The following CNTN3 variants were observed in gnomAD, a reference collection of about 807,000 sequenced individuals.
The protein encoded by CNTN3 is contactin-3.
A neutral mutation model predicts 119.1 loss-of-function variants in CNTN3; 60 were observed. That is an observed-to-expected ratio of 0.50 (90% CI 0.41 to 0.62). CNTN3 has a LOEUF of 0.62. CNTN3 is among the 20% of genes least tolerant of loss of function. The probability of loss-of-function intolerance (pLI) is 0.00; values close to 1 mark genes in which losing one functional copy is unlikely to be tolerated. For synonymous variants in CNTN3, 450 were observed against 438.7 expected (o/e 1.03, Z -0.32); for missense variants, 1,101 against 1,242.4 (o/e 0.89, Z 1.71).
chr3:74,345,173 A>C (rs1479480607), intron 11 of CNTN3, among the ~76,000 whole-genome samples: 1 of 152,134 alleles, frequency 6.6e-6, no homozygotes, highest in African/African-American at 2.4e-5. Context: ...CTTGAGTCAC[A>C]CATTTCTTCA....
At position 74,358,587 on chromosome 3, in the gene CNTN3, T is replaced by C. The variant is rs572989323; in HGVS notation, c.1364+3303A>G. On this transcript the variant is annotated intron_variant, in intron 11 of 22. Coordinates refer to ENST00000263665, the MANE Select transcript of CNTN3 (RefSeq NM_020872.3). ...AAAGGGAAGGAAGTGTATTCTTTTT[T>C]TTTTTTTTGATTTATTTATTTATTT... Among the ~76,000 whole-genome samples, 1,104 of 137,106 alleles carry C rather than the reference T, an allele frequency of 8.1e-3. 5 individuals are homozygous for C. Among genetic ancestry groups the C allele is most frequent in the Non-Finnish European group, 0.012 (809 of 65,658 alleles). The allele number at this position is 137,106 out of a possible 152,430, so 89.9% of individuals were successfully genotyped here. A position where few individuals can be genotyped will look rare whatever the true frequency, so the allele number is the denominator to read the frequency against.
chr3:74,413,153 T>C (rs1006336629), intron 5 of CNTN3, among the ~76,000 whole-genome samples: 3 of 152,196 alleles, frequency 2.0e-5, no homozygotes, highest in African/African-American at 7.2e-5. Context: ...TCAGACAGTT[T>C]TATTTTCTCT....
intron 8 of CNTN3, among the ~76,000 whole-genome samples, chr3:74,368,142 G>A (rs1314616427): frequency 6.6e-6 from 1 of 152,074 alleles, no homozygotes; most frequent in Non-Finnish European, 1.5e-5. Flanking sequence ...CCTCCATTTT[G>A]TTTCTGACAG....
intron 12 of CNTN3, 132 bp from the exon 13 acceptor site, chr3:74,335,042 A>G (rs1483565682): frequency 1.9e-6 from 1 of 533,610 alleles, no homozygotes; most frequent in Middle Eastern, 4.8e-4. Context: ...ATACATCTAT[A>G]TAATTAAAAG....
chr3:74,353,573 G>A (rs775070275), intron 11 of CNTN3, among the ~76,000 whole-genome samples: 7 of 152,094 alleles, frequency 4.6e-5, no homozygotes, highest in Non-Finnish European at 1.0e-4. Context: ...CGGCTAACAC[G>A]GTGAAACCCC....
intron 4 of CNTN3, among the ~76,000 whole-genome samples, chr3:74,450,262 C>A (rs1051146551): frequency 6.6e-6 from 1 of 151,838 alleles, no homozygotes; most frequent in Non-Finnish European, 1.5e-5. Flanking sequence ...TTTAATCTTG[C>A]AGTTATAAAA....
intron 1 of CNTN3, among the ~76,000 whole-genome samples, chr3:74,589,221 A>G (rs1231204170): frequency 2.0e-5 from 3 of 152,232 alleles, no homozygotes; most frequent in Non-Finnish European, 4.4e-5. Flanking sequence ...ACAAAGGGCT[A>G]ATATCCAGAA....
intron 1 of CNTN3, among the ~76,000 whole-genome samples, chr3:74,587,983 T>C (rs1704626096): frequency 6.6e-6 from 1 of 152,134 alleles, no homozygotes; most frequent in South Asian, 2.1e-4. Context: ...ATACCTAATT[T>C]ATTGAGAGTT....
intron 4 of CNTN3, among the ~76,000 whole-genome samples, chr3:74,466,207 GA>G (rs1702458300): frequency 6.6e-6 from 1 of 152,142 alleles, no homozygotes; most frequent in Non-Finnish European, 1.5e-5. Context: ...CAAGAGCAGA[GA>G]AAACTTAGGA....
intron 20 of CNTN3, among the ~76,000 whole-genome samples, chr3:74,269,770 A>G (rs1053721155): frequency 2.6e-4 from 39 of 152,266 alleles, no homozygotes; most frequent in African/African-American, 7.9e-4. Context: ...CCCAAAGACA[A>G]ATACTTTATA....
chr3:74,345,085 T>C (rs17012403), intron 11 of CNTN3, among the ~76,000 whole-genome samples: 8,150 of 152,262 alleles, frequency 0.054, 698 homozygotes, highest in African/African-American at 0.18. Flanking sequence ...TTATGATGAC[T>C]GTGTACATTT....
At chr3:74,268,574 T>C (rs1186733917) in intron 20 of CNTN3, among the ~76,000 whole-genome samples, 2 of 152,190 alleles carry the variant, frequency 1.3e-5, no homozygotes, top group African/African-American at 2.4e-5. Context: ...TTGTCTCTTT[T>C]AACACTATTC....
intron 2 of CNTN3, among the ~76,000 whole-genome samples, chr3:74,510,083 T>A (rs1177070703): frequency 6.6e-6 from 1 of 151,248 alleles, no homozygotes; most frequent in African/African-American, 2.4e-5. Flanking sequence ...AATTAGCAAT[T>A]GTCTGGGAAT....
chr3:74,369,587 C>A (rs995749096), intron 7 of CNTN3, among the ~76,000 whole-genome samples: 2 of 150,524 alleles, frequency 1.3e-5, no homozygotes, highest in African/African-American at 4.9e-5. Context: ...GACATGATTT[C>A]GAGAAAAAAG....
intron 4 of CNTN3, among the ~76,000 whole-genome samples, chr3:74,486,021 A>T (rs2107041848): frequency 6.6e-6 from 1 of 152,194 alleles, no homozygotes; most frequent in African/African-American, 2.4e-5. Context: ...CTTCCTTAAT[A>T]TTTTCAGGTT....
chr3:74,327,973 T>C (rs564939470), intron 13 of CNTN3, among the ~76,000 whole-genome samples: 2 of 151,952 alleles, frequency 1.3e-5, no homozygotes, highest in Non-Finnish European at 2.9e-5. Flanking sequence ...TGGTATATTC[T>C]GTAGATTATC....
intron 5 of CNTN3, among the ~76,000 whole-genome samples, chr3:74,392,020 CTT>C (rs1377316449): frequency 6.6e-6 from 1 of 151,852 alleles, no homozygotes; most frequent in African/African-American, 2.4e-5. Context: ...TGTGATGTGA[CTT>C]TGCTTAGATA....
intron 1 of CNTN3, among the ~76,000 whole-genome samples, chr3:74,563,001 G>T (rs1704175987): frequency 6.6e-6 from 1 of 152,134 alleles, no homozygotes; most frequent in African/African-American, 2.4e-5. Context: ...GGCTGCAGAT[G>T]TTCAGTCAAT....
intron 4 of CNTN3, among the ~76,000 whole-genome samples, chr3:74,455,130 A>G (rs896948581): frequency 3.3e-5 from 5 of 152,202 alleles, no homozygotes; most frequent in Non-Finnish European, 7.4e-5. Flanking sequence ...TCTCCCCGTC[A>G]CTTTCAGGTA....
Sources: gnomAD v4.1 joint callset for allele counts (sites outside exome capture counted in the v4.1 genomes callset) on GRCh38, gnomAD v4.1.1 for gene constraint, MANE v1.5 for transcripts, NCBI Gene and HGNC (gene_info 2026-07-23, HGNC 2026-07-21) for gene names.